Variants in SCAPER observed in about 807,000 individuals in gnomAD.
The protein encoded by SCAPER is S phase cyclin A-associated protein in the endoplasmic reticulum.
SCAPER carries 98 observed loss-of-function variants against 182.2 expected under a neutral mutation model. The ratio of observed to expected loss-of-function variants is 0.54; its 90% CI spans 0.46 to 0.64. SCAPER has a LOEUF of 0.64. SCAPER is among the 30% of genes least tolerant of loss of function. SCAPER has a pLI of 0.00. For missense variants in SCAPER, 1,432 were observed against 1,690.0 expected (o/e 0.85, Z 2.68); for synonymous variants, 605 against 564.6 (o/e 1.07, Z -1.01).
intron 27 of SCAPER, among the ~76,000 whole-genome samples, chr15:76,385,018 A>G (rs536432836): frequency 3.9e-4 from 60 of 152,366 alleles, no homozygotes; most frequent in African/African-American, 1.3e-3. Context: ...AGATATTTGT[A>G]ATTTTACCAG....
intron 22 of SCAPER, among the ~76,000 whole-genome samples, chr15:76,602,698 C>T (rs2050009718): frequency 8.3e-6 from 1 of 120,192 alleles, no homozygotes; most frequent in African/African-American, 2.5e-5. Context: ...TCTGGTATCC[C>T]AATTACATGT....
At chr15:76,681,873 G>T (rs950259793) in intron 20 of SCAPER, among the ~76,000 whole-genome samples, 3 of 152,160 alleles carry the variant, frequency 2.0e-5, no homozygotes, top group African/African-American at 7.2e-5. Context: ...GGCAATGACT[G>T]ACCATCCCCC....
intron 17 of SCAPER, among the ~76,000 whole-genome samples, chr15:76,719,790 GA>G (rs1164524556): frequency 6.6e-6 from 1 of 151,458 alleles, no homozygotes; most frequent in Non-Finnish European, 1.5e-5. Flanking sequence ...TAAAGATGAG[GA>G]AAAAAATCCC....
At chr15:76,479,996 T>C (rs1017966645) in intron 24 of SCAPER, among the ~76,000 whole-genome samples, 13 of 152,242 alleles carry the variant, frequency 8.5e-5, no homozygotes, top group Admixed American at 3.9e-4. Context: ...TTATCAATTA[T>C]CGTTTTGCCC....
intron 23 of SCAPER, among the ~76,000 whole-genome samples, chr15:76,516,903 A>C (rs1183708911): frequency 2.0e-5 from 3 of 152,186 alleles, no homozygotes; most frequent in East Asian, 3.8e-4. Flanking sequence ...CTTATCATGT[A>C]ACAGGCCCTG....
chr15:76,492,044 G>A (rs953769964), intron 24 of SCAPER, among the ~76,000 whole-genome samples: 1 of 152,134 alleles, frequency 6.6e-6, no homozygotes, highest in African/African-American at 2.4e-5. Flanking sequence ...TGGCATCTTT[G>A]TATCTTATTT....
chr15:76,719,524 T>G (rs2060081690), intron 17 of SCAPER, among the ~76,000 whole-genome samples: 1 of 152,232 alleles, frequency 6.6e-6, no homozygotes, highest in Admixed American at 6.5e-5. Flanking sequence ...CTGGGATTTG[T>G]GATAAATGAG....
At chr15:76,867,560 T>C (rs959347508) in intron 2 of SCAPER, among the ~76,000 whole-genome samples, 1 of 152,208 alleles carries the variant, frequency 6.6e-6, no homozygotes, top group African/African-American at 2.4e-5. Context: ...TAAACTATTA[T>C]AAGGGGGAAA....
At chr15:76,843,406 CTG>C (rs2069677234) in intron 4 of SCAPER, among the ~76,000 whole-genome samples, 1 of 152,118 alleles carries the variant, frequency 6.6e-6, no homozygotes, top group Non-Finnish European at 1.5e-5. Flanking sequence ...GATGACAAAA[CTG>C]AGGCTCAGAC....
intron 23 of SCAPER, among the ~76,000 whole-genome samples, chr15:76,573,522 C>A (rs950109704): frequency 2.0e-5 from 3 of 151,770 alleles, no homozygotes; most frequent in Non-Finnish European, 2.9e-5. Context: ...TATGTTCATT[C>A]CATTAAAGAT....
chr15:76,849,826 A>T (rs1044347372), intron 4 of SCAPER, among the ~76,000 whole-genome samples: 2 of 152,222 alleles, frequency 1.3e-5, no homozygotes, highest in African/African-American at 4.8e-5. Flanking sequence ...TAATTGACTC[A>T]CAGTTCCATA....
chr15:76,720,330 G>C (rs1369864634), intron 17 of SCAPER, among the ~76,000 whole-genome samples: 17 of 151,958 alleles, frequency 1.1e-4, no homozygotes, highest in Non-Finnish European at 2.1e-4. Context: ...GTCTATCATT[G>C]TTGGACATTT....
Position 76,721,716 on chromosome 15 carries a change from G to C in SCAPER, c.2165+6879C>G, listed in dbSNP as rs573690606. On this transcript the variant is annotated intron_variant, in intron 17 of 31. Coordinates refer to ENST00000563290, the MANE Select transcript of SCAPER (RefSeq NM_020843.4). ...GTGAATGGGAGTTCACTCATGATTT[G>C]GCTCTCTGTTTGTCTGTTATTGGTG... Among the ~76,000 whole-genome samples the C allele has an allele frequency of 2.5e-3, 387 of 151,916 alleles. 1 individual carries two copies. Among genetic ancestry groups the C allele is most frequent in the African/African-American group, 9.0e-3 (371 of 41,420 alleles).
intron 20 of SCAPER, among the ~76,000 whole-genome samples, chr15:76,671,282 G>A (rs539226344): frequency 7.9e-5 from 12 of 152,094 alleles, no homozygotes; most frequent in South Asian, 4.1e-4. Context: ...ACAGTGAGCC[G>A]TGATTGCACC....
intron 29 of SCAPER, among the ~76,000 whole-genome samples, chr15:76,363,226 G>T (rs1432467738): frequency 6.6e-6 from 1 of 152,230 alleles, no homozygotes; most frequent in Non-Finnish European, 1.5e-5. Flanking sequence ...TTGGCATAGT[G>T]TCTAACACAG....
chr15:76,554,337 G>A (rs549035963), intron 23 of SCAPER, among the ~76,000 whole-genome samples: 1 of 152,250 alleles, frequency 6.6e-6, no homozygotes, highest in South Asian at 2.1e-4. Context: ...ATTACATAAA[G>A]ATACTAAGTC....
chr15:76,854,803 C>CAAAAAAAAAAAAAA (rs35484908), intron 4 of SCAPER, among the ~76,000 whole-genome samples: 3 of 118,348 alleles, frequency 2.5e-5, no homozygotes, highest in Non-Finnish European at 5.1e-5. Context: ...ACTAAAAATA[C>CAAAAAAAAAAAAAA]AAAAAAAAAA....
intron 5 of SCAPER, among the ~76,000 whole-genome samples, chr15:76,811,569 T>C (rs570121144): frequency 1.3e-4 from 20 of 152,278 alleles, no homozygotes; most frequent in Non-Finnish European, 2.8e-4. Flanking sequence ...GGCTGGTGGA[T>C]CACCTGAAGT....
chr15:76,877,973 T>C (rs1266250278), intron 2 of SCAPER, among the ~76,000 whole-genome samples: 2 of 152,220 alleles, frequency 1.3e-5, no homozygotes, highest in Non-Finnish European at 2.9e-5. Flanking sequence ...CATATTGAAG[T>C]ATTTAAGGAT....
Sources: gnomAD v4.1 joint callset for allele counts (sites outside exome capture counted in the v4.1 genomes callset) on GRCh38, gnomAD v4.1.1 for gene constraint, MANE v1.5 for transcripts, NCBI Gene and HGNC (gene_info 2026-07-23, HGNC 2026-07-21) for gene names.